The following ARHGAP24 variants were observed in gnomAD, a reference collection of about 807,000 sequenced individuals.
ARHGAP24 encodes the protein Rho GTPase activating protein 24, also known as rho GTPase-activating protein 24.
ARHGAP24 carries 50 observed loss-of-function variants against 76.4 expected under a neutral mutation model. The observed-to-expected ratio is 0.65, with a 90% CI of 0.52 to 0.83. The LOEUF is 0.83. Ranked by LOEUF, ARHGAP24 falls within the 40% of genes least tolerant of loss-of-function variation. The pLI, the probability that ARHGAP24 is intolerant of heterozygous loss-of-function variation, is 0.00. For missense variants in ARHGAP24, 930 were observed against 914.2 expected, an observed-to-expected ratio of 1.02 and a Z score of -0.22; for synonymous variants, 345 against 323.3, an observed-to-expected ratio of 1.07 and a Z score of -0.72.
At chr4:85,621,426 A>C in intron 2 of ARHGAP24, among the ~76,000 whole-genome samples, 1 of 152,100 alleles carries the variant, frequency 6.6e-6, no homozygotes, top group Non-Finnish European at 1.5e-5. Context: ...CTTTGCCAAC[A>C]TCTGTTATAT....
At chr4:85,648,478 G>A (rs989098635) in intron 2 of ARHGAP24, among the ~76,000 whole-genome samples, 4 of 152,050 alleles carry the variant, frequency 2.6e-5, no homozygotes, top group Admixed American at 6.6e-5. Flanking sequence ...GAATACAGAT[G>A]ACAGGGATAT....
chr4:85,669,245 AAAC>A (rs56742900), intron 2 of ARHGAP24, among the ~76,000 whole-genome samples: 32,288 of 151,824 alleles, frequency 0.21, 4,581 homozygotes, highest in Non-Finnish European at 0.31. Flanking sequence ...TTATCTAGAG[AAAC>A]AACATGATGT....
At chr4:85,828,700 C>G (rs577468566) in intron 3 of ARHGAP24, among the ~76,000 whole-genome samples, 1 of 151,984 alleles carries the variant, frequency 6.6e-6, no homozygotes, top group Non-Finnish European at 1.5e-5. Flanking sequence ...TACATGGGAA[C>G]GCAGAGTATT....
chr4:85,854,191 A>G (rs1460059644), intron 3 of ARHGAP24, among the ~76,000 whole-genome samples: 1 of 152,050 alleles, frequency 6.6e-6, no homozygotes, highest in Non-Finnish European at 1.5e-5. Flanking sequence ...TGACTGCTAC[A>G]GAAATTCTAT....
Position 85,808,167 on chromosome 4 carries a change from T to C in ARHGAP24, c.268+86195T>C, listed in dbSNP as rs28503231. Among the ~76,000 whole-genome samples the C allele has an allele frequency of 9.1e-3, 1,387 of 152,330 alleles. 18 individuals carry two copies. Among genetic ancestry groups the C allele is most frequent in the African/African-American group, 0.031 (1,301 of 41,576 alleles). On this transcript the variant is annotated intron_variant, in intron 3 of 9. Coordinates refer to ENST00000395184, the MANE Select transcript of ARHGAP24 (RefSeq NM_001025616.3). ...CGAAAAAAATATGCTTTTTATTTCA[T>C]TGTGACCCTTTTGAGAAAATTCTGT...
chr4:85,886,767 A>C (rs1560696416), intron 3 of ARHGAP24, among the ~76,000 whole-genome samples: 1 of 152,280 alleles, frequency 6.6e-6, no homozygotes, highest in East Asian at 1.9e-4. Context: ...TTCAAATAAA[A>C]TAGTTTAAAT....
At chr4:85,677,082 A>C (rs901413003) in intron 2 of ARHGAP24, among the ~76,000 whole-genome samples, 11 of 152,182 alleles carry the variant, frequency 7.2e-5, no homozygotes, top group African/African-American at 2.4e-4. Flanking sequence ...TTTATACAAC[A>C]AGAAGCATTC....
chr4:85,882,674 A>G (rs1733328666), intron 3 of ARHGAP24, among the ~76,000 whole-genome samples: 1 of 152,206 alleles, frequency 6.6e-6, no homozygotes, highest in Non-Finnish European at 1.5e-5. Flanking sequence ...AAGAGATTCA[A>G]GAAGCATTTA....
chr4:85,675,765 CAT>C (rs1722958282), intron 2 of ARHGAP24, among the ~76,000 whole-genome samples: 1 of 152,208 alleles, frequency 6.6e-6, no homozygotes, highest in Admixed American at 6.5e-5. Flanking sequence ...TAGCTCATCT[CAT>C]TTGACAAAGC....
chr4:85,482,244 G>A (rs780293591), intron 1 of ARHGAP24, among the ~76,000 whole-genome samples: 50 of 152,150 alleles, frequency 3.3e-4, no homozygotes, highest in African/African-American at 1.1e-3. Flanking sequence ...TTGTGAAATC[G>A]TCAAGTGAAA....
intron 1 of ARHGAP24, among the ~76,000 whole-genome samples, chr4:85,495,675 T>A (rs1723551413): frequency 6.6e-6 from 1 of 152,032 alleles, no homozygotes; most frequent in South Asian, 2.1e-4. Flanking sequence ...CTATTATTAA[T>A]CAGGAATTAC....
intron 2 of ARHGAP24, among the ~76,000 whole-genome samples, chr4:85,712,485 G>A (rs554975269): frequency 1.1e-4 from 16 of 152,252 alleles, no homozygotes; most frequent in Non-Finnish European, 2.2e-4. Flanking sequence ...CACAAATTTG[G>A]TGGATTAAAA....
chr4:85,499,028 T>C (rs1248946699), intron 1 of ARHGAP24, among the ~76,000 whole-genome samples: 1 of 152,224 alleles, frequency 6.6e-6, no homozygotes, highest in Non-Finnish European at 1.5e-5. Context: ...GCTCCTCTCA[T>C]TTATTCCACA....
intron 3 of ARHGAP24, among the ~76,000 whole-genome samples, chr4:85,867,551 CT>C (rs1242250108): frequency 6.6e-6 from 1 of 151,958 alleles, no homozygotes; most frequent in Admixed American, 6.6e-5. Context: ...GGGACATCCT[CT>C]TTTTCTCAAA....
rs963106096 is a variant in ARHGAP24 at position 85,977,987 on chromosome 4, C to T, written c.928+296C>T. ...AGAACTGAAAAAAACTACCTCACTT[C>T]GTGAGTTCACTACAATTTTCAGAAA... On this transcript the variant is annotated intron_variant, in intron 8 of 9. Transcript: ENST00000395184. Among the ~76,000 whole-genome samples, 7 of 152,208 alleles carry T rather than the reference C, an allele frequency of 4.6e-5. No individual in the cohort carries two copies. In the South Asian group the frequency reaches 6.2e-4, roughly 13 times the overall value.
intron 3 of ARHGAP24, among the ~76,000 whole-genome samples, chr4:85,867,040 A>C (rs1732238400): frequency 6.6e-6 from 1 of 152,102 alleles, no homozygotes; most frequent in Non-Finnish European, 1.5e-5. Context: ...CTCTATATGA[A>C]TTTTAGTCAG....
rs922231118 is a variant in ARHGAP24 at position 85,750,181 on chromosome 4, A to G, written c.268+28209A>G. Among the ~76,000 whole-genome samples the G allele has an allele frequency of 2.6e-5, 4 of 152,220 alleles. No homozygotes were observed. In the East Asian group the frequency reaches 7.7e-4, roughly 29 times the overall value. On this transcript the variant is annotated intron_variant, in intron 3 of 9. Transcript: ENST00000395184. ...TATATAAATAATCGTCAGTTAATGTATAAGTGTCAGTTAGTGATAAGTGCT... is the reference window on the plus strand; with the variant it reads ...TATATAAATAATCGTCAGTTAATGTGTAAGTGTCAGTTAGTGATAAGTGCT...
At chr4:85,672,873 A>G (rs1056434595) in intron 2 of ARHGAP24, among the ~76,000 whole-genome samples, 1 of 152,006 alleles carries the variant, frequency 6.6e-6, no homozygotes, top group South Asian at 2.1e-4. Flanking sequence ...TATTTTCTTC[A>G]TGTCTGTTGA....
chr4:85,550,164 T>C (rs1193350492), intron 1 of ARHGAP24, among the ~76,000 whole-genome samples: 1 of 152,224 alleles, frequency 6.6e-6, no homozygotes, highest in Non-Finnish European at 1.5e-5. Flanking sequence ...TTTGAGTTCT[T>C]TGAGAAATCA....
Sources: gnomAD v4.1 joint callset for allele counts (sites outside exome capture counted in the v4.1 genomes callset) on GRCh38, gnomAD v4.1.1 for gene constraint, MANE v1.5 for transcripts, NCBI Gene and HGNC (gene_info 2026-07-23, HGNC 2026-07-21) for gene names.